The following SERPINB12 variants were observed in gnomAD, a reference collection of about 807,000 sequenced individuals.
SERPINB12 encodes serpin B12.
A neutral mutation model predicts 41.1 loss-of-function variants in SERPINB12; 57 were observed. The ratio of observed to expected loss-of-function variants is 1.39; its 90% CI spans 1.12 to 1.73. The LOEUF is 1.73. Among genes scored for constraint, SERPINB12 ranks in the 40% most tolerant of loss-of-function variants. SERPINB12 has a pLI of 0.00. For missense variants in SERPINB12, 536 were observed against 501.9 expected (o/e 1.07, Z -0.65); for synonymous variants, 180 against 181.3 (o/e 0.99, Z 0.06).
rs1246248555 is a variant in SERPINB12 at position 63,568,594 on chromosome 18, C to T, written c.*1583C>T. On this transcript the variant is annotated 3_prime_UTR_variant, in exon 8 of 8. Transcript: ENST00000382768. ...GTTCTGCCATGACCACTGACACGTC[C>T]AACTCACATCTCTTTGGAGTCAGTC... Among the ~76,000 whole-genome samples the T allele has an allele frequency of 6.6e-6, 1 of 152,106 alleles. No homozygotes were observed. Among genetic ancestry groups the T allele is most frequent in the Admixed American group, 6.5e-5 (1 of 15,268 alleles).
At chr18:63,525,311 T>C in the SERPINB12 span, among the ~76,000 whole-genome samples, 2 of 152,174 alleles carry the variant, frequency 1.3e-5, no homozygotes, top group African/African-American at 4.8e-5. Flanking sequence ...GTGTACAGAA[T>C]TGTATATACT....
intron 3 of SERPINB12, among the ~76,000 whole-genome samples, chr18:63,559,191 G>A (rs753951794): frequency 7.9e-5 from 12 of 151,306 alleles, no homozygotes; most frequent in Non-Finnish European, 1.2e-4. Context: ...TTCAACCTCC[G>A]CCTCCTGGGT....
At chr18:63,520,016 C>A in the SERPINB12 span, among the ~76,000 whole-genome samples, 1 of 152,112 alleles carries the variant, frequency 6.6e-6, no homozygotes, top group Non-Finnish European at 1.5e-5. Flanking sequence ...AACAGGTACC[C>A]CATGTGAAAC....
intron 2 of SERPINB12, among the ~76,000 whole-genome samples, chr18:63,557,524 G>A (rs1355088057): frequency 6.6e-6 from 1 of 152,238 alleles, no homozygotes; most frequent in Non-Finnish European, 1.5e-5. Flanking sequence ...ATATGGAGCA[G>A]TAGAATTTAT....
At chr18:63,548,187 G>A (rs952441277) in intron 1 of SERPINB12, among the ~76,000 whole-genome samples, 14 of 152,012 alleles carry the variant, frequency 9.2e-5, no homozygotes, top group Admixed American at 3.3e-4. Context: ...AAGGTTTTAC[G>A]TGTGTAACAA....
At chr18:63,559,309 A>T (rs1910818473) in intron 3 of SERPINB12, among the ~76,000 whole-genome samples, 1 of 151,636 alleles carries the variant, frequency 6.6e-6, no homozygotes. Flanking sequence ...GTCAGTCTGA[A>T]ATATAGTGAG....
At chr18:63,541,455 C>T (rs752249927), upstream of SERPINB12, among the ~76,000 whole-genome samples, 6 of 152,078 alleles carry the variant, frequency 3.9e-5, no homozygotes, top group Non-Finnish European at 7.4e-5. Context: ...GAGGAGGAGG[C>T]TTTTTGTGGA....
upstream of SERPINB12, among the ~76,000 whole-genome samples, chr18:63,542,157 C>G (rs1279033726): frequency 6.6e-6 from 1 of 152,104 alleles, no homozygotes; most frequent in Non-Finnish European, 1.5e-5. Context: ...GGCTCTAACC[C>G]CTAACCTGTG....
Position 63,568,124 on chromosome 18 carries a change from A to T in SERPINB12, c.*1113A>T, listed in dbSNP as rs970391566. 6.6e-6 allele frequency among the ~76,000 whole-genome samples: 1 copy of T among 152,202 alleles called. No individual in the cohort carries two copies. The highest frequency in any genetic ancestry group is 1.5e-5 in the Non-Finnish European group (1 of 68,022). On this transcript the variant is annotated 3_prime_UTR_variant, in exon 8 of 8. Coordinates refer to ENST00000382768, the MANE Select transcript of SERPINB12 (RefSeq NM_001307928.2). ...CTGGGCATGATGGCTCATGCCTGCA[A>T]TCCCAGCACTTCTTGGGAGGCCGAG...
intron 1 of SERPINB12, among the ~76,000 whole-genome samples, chr18:63,545,989 G>A (rs1910379000): frequency 6.6e-6 from 1 of 152,120 alleles, no homozygotes; most frequent in South Asian, 2.1e-4. Flanking sequence ...TGGATGCTTA[G>A]TCATTAATTT....
chr18:63,549,069 G>T (rs1199377359), intron 1 of SERPINB12, among the ~76,000 whole-genome samples: 1 of 152,056 alleles, frequency 6.6e-6, no homozygotes, highest in African/African-American at 2.4e-5. Context: ...AGTATAATGA[G>T]ATATTATAAG....
upstream of SERPINB12, among the ~76,000 whole-genome samples, chr18:63,539,676 C>T (rs574329458): frequency 1.3e-5 from 2 of 152,192 alleles, no homozygotes; most frequent in South Asian, 4.1e-4. Context: ...CAATGTCTGG[C>T]ATGGTGGGGT....
chr18:63,541,603 A>C (rs1242944099), upstream of SERPINB12, among the ~76,000 whole-genome samples: 1 of 152,208 alleles, frequency 6.6e-6, no homozygotes, highest in South Asian at 2.1e-4. Context: ...ATGTTGTTCT[A>C]TGATGATAGG....
At chr18:63,534,839 A>G in the SERPINB12 span, among the ~76,000 whole-genome samples, 2 of 152,132 alleles carry the variant, frequency 1.3e-5, no homozygotes, top group African/African-American at 4.8e-5. Context: ...CTGTGATCGA[A>G]CCTATTTGGA....
At chr18:63,545,263 C>A (rs1910360872) in intron 1 of SERPINB12, among the ~76,000 whole-genome samples, 1 of 151,310 alleles carries the variant, frequency 6.6e-6, no homozygotes, top group Non-Finnish European at 1.5e-5. Flanking sequence ...GGCTAGTTGA[C>A]CTCCAAATTT....
intron 1 of SERPINB12, among the ~76,000 whole-genome samples, chr18:63,545,325 A>G (rs1204144216): frequency 6.6e-6 from 1 of 151,926 alleles, no homozygotes; most frequent in Non-Finnish European, 1.5e-5. Context: ...GGTACTAGAG[A>G]GGCTCGCTTT....
rs560020264 is a variant in SERPINB12 at position 63,563,421 on chromosome 18, G to A, written c.563-557G>A. On this transcript the variant is annotated intron_variant, in intron 5 of 7. Coordinates refer to ENST00000382768, the MANE Select transcript of SERPINB12 (RefSeq NM_001307928.2). ...AAGTTCCAAACACAAGCAATACAGG[G>A]AATCAAAGGAGATTCCTTCTGTTAC... Among the ~76,000 whole-genome samples the A allele has an allele frequency of 3.9e-5, 6 of 152,264 alleles. No individual in the cohort carries two copies. In the East Asian group the frequency reaches 1.2e-3, roughly 29 times the overall value.
intron 1 of SERPINB12, among the ~76,000 whole-genome samples, chr18:63,547,347 A>G (rs983644464): frequency 2.6e-5 from 4 of 151,934 alleles, no homozygotes; most frequent in African/African-American, 7.2e-5. Flanking sequence ...ATTTTAAACA[A>G]TGTGAGTTAG....
intron 1 of SERPINB12, among the ~76,000 whole-genome samples, chr18:63,552,423 G>A (rs538645369): frequency 6.6e-6 from 1 of 152,030 alleles, no homozygotes; most frequent in African/African-American, 2.4e-5. Context: ...TTTACTAACA[G>A]TCTAAGCTTA....
Sources: allele counts gnomAD v4.1 joint callset (sites outside exome capture counted in the v4.1 genomes callset), GRCh38; gene constraint gnomAD v4.1.1; transcripts MANE v1.5; gene names NCBI Gene and HGNC (gene_info 2026-07-23, HGNC 2026-07-21).